NCKAP5: variants seen among roughly 807,000 people sequenced by gnomAD.
NCKAP5 encodes the protein NCK associated protein 5, also known as nck-associated protein 5.
Under a neutral mutation model 167.0 loss-of-function variants are expected in NCKAP5, and 92 were observed. The ratio of observed to expected loss-of-function variants is 0.55; its 90% CI spans 0.47 to 0.66. The LOEUF (loss-of-function observed/expected upper bound fraction) is 0.66. Among genes scored for constraint, NCKAP5 ranks in the 30% least tolerant of loss-of-function variants. The pLI is 0.00. For missense variants in NCKAP5, 2,378 were observed against 2,315.0 expected (o/e 1.03, Z -0.56); for synonymous variants, 891 against 877.4 (o/e 1.02, Z -0.27).
At chr2:133,477,137 T>G (rs1395239131) in intron 3 of NCKAP5, among the ~76,000 whole-genome samples, 1 of 152,214 alleles carries the variant, frequency 6.6e-6, no homozygotes, top group Non-Finnish European at 1.5e-5. Flanking sequence ...TAGTCAGCAA[T>G]TAAACACTTT....
intron 3 of NCKAP5, among the ~76,000 whole-genome samples, chr2:133,352,457 A>T (rs1428840771): frequency 2.4e-4 from 37 of 152,226 alleles, no homozygotes; most frequent in Admixed American, 2.4e-3. Context: ...TGTCCTCCAC[A>T]TACAATTTGG....
chr2:133,184,515 G>C (rs964610905), intron 5 of NCKAP5, among the ~76,000 whole-genome samples: 2 of 152,058 alleles, frequency 1.3e-5, no homozygotes, highest in African/African-American at 4.8e-5. Flanking sequence ...ATGGCAATCT[G>C]TTTTATGTTC....
chr2:133,102,601 A>G (rs534483010), intron 6 of NCKAP5, among the ~76,000 whole-genome samples: 1 of 152,154 alleles, frequency 6.6e-6, no homozygotes, highest in African/African-American at 2.4e-5. Context: ...CTCTCTCTTA[A>G]GGATCTTTAT....
chr2:133,605,492 G>A, the NCKAP5 span, among the ~76,000 whole-genome samples: 1 of 152,168 alleles, frequency 6.6e-6, no homozygotes, highest in Non-Finnish European at 1.5e-5. Context: ...GGGGGGAAGG[G>A]ACACAGAGGA....
At chr2:132,872,490 A>G (rs1247515158) in intron 9 of NCKAP5, among the ~76,000 whole-genome samples, 1 of 152,158 alleles carries the variant, frequency 6.6e-6, no homozygotes, top group African/African-American at 2.4e-5. Flanking sequence ...TTATTGAAAA[A>G]CAGTCCTTGA....
rs560432956 is a variant in NCKAP5 at position 133,078,229 on chromosome 2, C to T, written c.341+51749G>A. Among the ~76,000 whole-genome samples, 16 of 152,278 alleles carry T rather than the reference C, an allele frequency of 1.1e-4. No individual in the cohort carries two copies. The South Asian group carries it at 3.3e-3, about 32-fold the overall frequency. On this transcript the variant is annotated intron_variant, in intron 6 of 19. Transcript: ENST00000409261. ...ATCAGTGCTTCCCAACATTTCAAGT[C>T]AGGACACATAAATAAAATGAAGATA...
chr2:132,871,359 C>A (rs1397869847), intron 9 of NCKAP5, among the ~76,000 whole-genome samples: 3 of 152,158 alleles, frequency 2.0e-5, no homozygotes, highest in African/African-American at 4.8e-5. Flanking sequence ...ACTATTCATG[C>A]AGGTTGAATC....
At chr2:133,006,951 G>A (rs765019398) in intron 6 of NCKAP5, among the ~76,000 whole-genome samples, 1 of 152,168 alleles carries the variant, frequency 6.6e-6, no homozygotes, top group Non-Finnish European at 1.5e-5. Flanking sequence ...TGCTTCTTGT[G>A]ACACTTGTTC....
chr2:132,876,312 G>A (rs144906180), intron 9 of NCKAP5, among the ~76,000 whole-genome samples: 41 of 151,968 alleles, frequency 2.7e-4, no homozygotes, highest in African/African-American at 8.2e-4. Context: ...TGCCCAGACC[G>A]GTCTTAAACT....
chr2:132,735,540 C>T lies in NCKAP5; in HGVS notation c.5129-3489G>A, dbSNP rs374533429. 9.8e-4 allele frequency among the ~76,000 whole-genome samples: 149 copies of T among 152,282 alleles called. 6 individuals are homozygous for T. In the South Asian group the frequency reaches 0.03, roughly 31 times the overall value. Reference sequence around the variant, plus strand: ...CCTGCAGAACCATGAACCAGTTACACCTCTTTTCTTATAAATTACCTAGCG... The same window carrying T: ...CCTGCAGAACCATGAACCAGTTACATCTCTTTTCTTATAAATTACCTAGCG... On this transcript the variant is annotated intron_variant, in intron 16 of 19. Coordinates refer to ENST00000409261, the MANE Select transcript of NCKAP5 (RefSeq NM_207363.3).
chr2:133,504,674 G>T (rs1031397730), intron 3 of NCKAP5, among the ~76,000 whole-genome samples: 1 of 152,136 alleles, frequency 6.6e-6, no homozygotes, highest in Admixed American at 6.5e-5. Context: ...ACCATTGTCT[G>T]CATTCTTGGC....
At position 133,329,527 on chromosome 2, in the gene NCKAP5, G is replaced by C. The variant is rs540489524; in HGVS notation, c.70-26417C>G. ...AAAGGAGAATAAATCTGACAAAAGT[G>C]GGGGGTATTGAAAGATGGGCAAGGT... On this transcript the variant is annotated intron_variant, in intron 3 of 19. Transcript: ENST00000409261. 2.7e-4 allele frequency among the ~76,000 whole-genome samples: 41 copies of C among 152,208 alleles called. No homozygotes were observed. The South Asian group carries it at 6.4e-3, about 24-fold the overall frequency.
chr2:133,212,390 G>C (rs532668576), intron 5 of NCKAP5, among the ~76,000 whole-genome samples: 23 of 152,098 alleles, frequency 1.5e-4, no homozygotes, highest in African/African-American at 5.1e-4. Context: ...TTATTTATTT[G>C]TTTGTTTTTG....
intron 5 of NCKAP5, among the ~76,000 whole-genome samples, chr2:133,134,473 G>T (rs1176446822): frequency 6.6e-6 from 1 of 152,214 alleles, no homozygotes; most frequent in Non-Finnish European, 1.5e-5. Flanking sequence ...GTTTTACAGA[G>T]TGCAGTAATT....
Position 133,289,194 on chromosome 2 carries a change from A to G in NCKAP5, c.143+13843T>C, listed in dbSNP as rs961774731. Among the ~76,000 whole-genome samples the G allele has an allele frequency of 3.9e-5, 6 of 152,234 alleles. No individual in the cohort carries two copies. In the East Asian group the frequency reaches 9.6e-4, roughly 24 times the overall value. On this transcript the variant is annotated intron_variant, in intron 4 of 19. Transcript: ENST00000409261. Reference sequence around the variant, plus strand: ...ACCAGCCCCAACTGGATTACAGTGTATATCAGTAATACTTTAAGGGATAAA... The same window carrying G: ...ACCAGCCCCAACTGGATTACAGTGTGTATCAGTAATACTTTAAGGGATAAA...
intron 7 of NCKAP5, among the ~76,000 whole-genome samples, chr2:132,978,197 A>ATC (rs1474459900): frequency 5.3e-5 from 8 of 152,364 alleles, no homozygotes; most frequent in African/African-American, 1.7e-4. Flanking sequence ...TTCATGCAAA[A>ATC]TCTCTGTGTT....
At chr2:133,579,848 C>A in the NCKAP5 span, among the ~76,000 whole-genome samples, 1 of 152,140 alleles carries the variant, frequency 6.6e-6, no homozygotes, top group African/African-American at 2.4e-5. Context: ...ATTTTAATGT[C>A]CCTCTGGGTA....
intron 3 of NCKAP5, among the ~76,000 whole-genome samples, chr2:133,375,612 G>C (rs1424766004): frequency 6.6e-6 from 1 of 152,076 alleles, no homozygotes; most frequent in East Asian, 1.9e-4. Flanking sequence ...CCCTCTGGTA[G>C]GCACCAGTGT....
chr2:132,825,470 T>C (rs1326036578), intron 11 of NCKAP5, among the ~76,000 whole-genome samples: 1 of 152,216 alleles, frequency 6.6e-6, no homozygotes, highest in Non-Finnish European at 1.5e-5. Context: ...ACACTGAGTG[T>C]CTGATTTTTA....
Sources: allele counts gnomAD v4.1 joint callset (sites outside exome capture counted in the v4.1 genomes callset), GRCh38; gene constraint gnomAD v4.1.1; transcripts MANE v1.5; gene names NCBI Gene and HGNC (gene_info 2026-07-23, HGNC 2026-07-21).